Variants in PPHLN1 observed in about 807,000 individuals in gnomAD.
PPHLN1 encodes the protein periphilin-1.
A neutral mutation model predicts 51.3 loss-of-function variants in PPHLN1; 29 were observed. The ratio of observed to expected loss-of-function variants is 0.57; its 90% CI spans 0.42 to 0.77. The LOEUF (loss-of-function observed/expected upper bound fraction) is 0.77, where lower values mean the gene tolerates loss of function less well. Ranked by LOEUF, PPHLN1 falls within the 30% of genes least tolerant of loss-of-function variation. PPHLN1 has a pLI of 0.00. For synonymous variants in PPHLN1, 147 were observed against 147.8 expected, an observed-to-expected ratio of 0.99 and a Z score of 0.04; for missense variants, 436 against 438.4, an observed-to-expected ratio of 0.99 and a Z score of 0.05.
At position 42,335,216 on chromosome 12, in the gene PPHLN1, C is replaced by T. The variant is rs1217907840; in HGVS notation, c.-20-667C>T. ...TTTATGAAAAGAATACACCGTCCCA[C>T]CCCCCCCTTCTCTGAATCCCAAACC... On this transcript the variant is annotated intron_variant, in intron 1 of 9. Transcript: ENST00000358314. 7.3e-5 allele frequency among the ~76,000 whole-genome samples: 11 copies of T among 150,382 alleles called. No homozygotes were observed. In the East Asian group the frequency reaches 1.7e-3, roughly 24 times the overall value.
At chr12:42,361,362 G>A (rs1016400114) in intron 4 of PPHLN1, 3 of 151,518 alleles carry the variant, frequency 2.0e-5, no homozygotes, top group East Asian at 3.9e-4. Context: ...AATTTGTTAC[G>A]GCAGTCCAAC....
At chr12:42,370,861 A>G (rs1307422630) in intron 4 of PPHLN1, among the ~76,000 whole-genome samples, 1 of 152,040 alleles carries the variant, frequency 6.6e-6, no homozygotes, top group Non-Finnish European at 1.5e-5. Flanking sequence ...ACAGGGTCTC[A>G]CTCTGTTGCC....
At chr12:42,350,699 C>G (rs1421054746) in intron 2 of PPHLN1, among the ~76,000 whole-genome samples, 1 of 152,164 alleles carries the variant, frequency 6.6e-6, no homozygotes, top group Non-Finnish European at 1.5e-5. Flanking sequence ...GAGCGAGACT[C>G]TGTCTGCGAT....
intron 9 of PPHLN1, among the ~76,000 whole-genome samples, chr12:42,425,215 G>A (rs2081342205): frequency 6.7e-6 from 1 of 150,360 alleles, no homozygotes; most frequent in Non-Finnish European, 1.5e-5. Context: ...AAGTAGCTGG[G>A]ATTACAGGTG....
At chr12:42,432,347 T>C (rs1189217968) in intron 9 of PPHLN1, 1 of 739,878 alleles carries the variant, frequency 1.4e-6, no homozygotes, top group African/African-American at 1.7e-5. Context: ...CATTCTTAGC[T>C]GTTCTACTTC....
At chr12:42,340,592 G>A (rs567156245) in intron 2 of PPHLN1, among the ~76,000 whole-genome samples, 64 of 152,292 alleles carry the variant, frequency 4.2e-4, no homozygotes, top group African/African-American at 1.5e-3. Context: ...TTTATTCTGC[G>A]TGTTTCATTT....
intron 1 of PPHLN1, among the ~76,000 whole-genome samples, chr12:42,333,347 G>C (rs917179407): frequency 1.3e-5 from 2 of 152,072 alleles, no homozygotes; most frequent in Non-Finnish European, 2.9e-5. Context: ...TCTTTGCTAT[G>C]CAAGTGTACA....
At chr12:42,340,222 T>G (rs528893810) in intron 2 of PPHLN1, among the ~76,000 whole-genome samples, 5 of 151,768 alleles carry the variant, frequency 3.3e-5, no homozygotes, top group South Asian at 4.2e-4. Flanking sequence ...GGCAGGAGGA[T>G]TGCTTGAGCC....
chr12:42,342,229 GCATTCATTCATT>G (rs140038754), intron 2 of PPHLN1, among the ~76,000 whole-genome samples: 5 of 151,828 alleles, frequency 3.3e-5, no homozygotes, highest in Admixed American at 6.6e-5. Context: ...TGACAGAATG[GCATTCATTCATT>G]CATTCATTCA....
intron 9 of PPHLN1, among the ~76,000 whole-genome samples, chr12:42,420,395 T>TG: frequency 6.6e-6 from 1 of 152,032 alleles, no homozygotes; most frequent in Non-Finnish European, 1.5e-5. Context: ...TGTGTGTGTG[T>TG]TTGTCTCTTT....
At chr12:42,345,368 A>G (rs2138028669) in intron 2 of PPHLN1, among the ~76,000 whole-genome samples, 1 of 151,976 alleles carries the variant, frequency 6.6e-6, no homozygotes, top group African/African-American at 2.4e-5. Flanking sequence ...TTTATGTGCA[A>G]GTTTTTTTTT....
chr12:42,445,781 C>A (rs2083282515), downstream of PPHLN1: 1 of 612,620 alleles, frequency 1.6e-6, no homozygotes, highest in East Asian at 3.0e-5. Flanking sequence ...ACTACTAGCA[C>A]AAGCCTTACT....
chr12:42,446,149 A>G (rs749216787), downstream of PPHLN1: 20 of 1,596,878 alleles, frequency 1.3e-5, no homozygotes, highest in Middle Eastern at 1.6e-4. Context: ...GTCGGACGAC[A>G]GGAGCCCCAG....
intron 2 of PPHLN1, among the ~76,000 whole-genome samples, chr12:42,346,284 G>A (rs1163189060): frequency 6.6e-6 from 1 of 151,416 alleles, no homozygotes; most frequent in African/African-American, 2.4e-5. Context: ...GTGTATTTGA[G>A]CTCTTTTTTG....
intron 1 of PPHLN1, among the ~76,000 whole-genome samples, chr12:42,332,259 A>T (rs2069867849): frequency 6.6e-6 from 1 of 152,222 alleles, no homozygotes. Flanking sequence ...AGGTGATATT[A>T]GTGTATTCTG....
At chr12:42,445,904 A>G (rs1160389278), downstream of PPHLN1, 2 of 1,442,610 alleles carry the variant, frequency 1.4e-6, no homozygotes, top group Non-Finnish European at 1.8e-6. Flanking sequence ...GTAAATAGTA[A>G]TATATGGCAT....
In PPHLN1 at chr12:42,387,416, T is replaced by A. The variant is rs1159903571; in HGVS notation, c.569-40T>A. On this transcript the variant is annotated intron_variant, in intron 6 of 9. Transcript: ENST00000358314. ...CAAAATTACTTTATCAAAAACAAAT[T>A]AGCTAGAAAAAAAATTACATCTTAT... The A allele has an allele frequency of 4.3e-5, 68 of 1,566,196 alleles. No homozygotes were observed. In the Middle Eastern group the frequency reaches 6.3e-4, roughly 15 times the overall value.
chr12:42,357,873 C>G (rs2074216953), intron 4 of PPHLN1, among the ~76,000 whole-genome samples: 1 of 152,106 alleles, frequency 6.6e-6, no homozygotes, highest in African/African-American at 2.4e-5. Flanking sequence ...TTTCTCATCC[C>G]TCACTCACCT....
chr12:42,439,052 A>T (rs868852950), intron 9 of PPHLN1, among the ~76,000 whole-genome samples: 3 of 152,334 alleles, frequency 2.0e-5, no homozygotes, highest in Non-Finnish European at 2.9e-5. Context: ...ATTTTAATGA[A>T]ATCCAATTTA....
Sources: allele counts gnomAD v4.1 joint callset (sites outside exome capture counted in the v4.1 genomes callset), GRCh38; gene constraint gnomAD v4.1.1; transcripts MANE v1.5; gene names NCBI Gene and HGNC (gene_info 2026-07-23, HGNC 2026-07-21).